The following CUX1 variants were observed in gnomAD, a reference collection of about 807,000 sequenced individuals.
The protein encoded by CUX1 is cut like homeobox 1.
In CUX1, 31 loss-of-function variants were observed where a neutral mutation model predicts 158.8. The observed-to-expected ratio is 0.20, with a 90% CI of 0.15 to 0.26. The LOEUF (loss-of-function observed/expected upper bound fraction) is 0.26, where lower values mean the gene tolerates loss of function less well. Among genes scored for constraint, CUX1 ranks in the 10% least tolerant of loss-of-function variants. The pLI, the probability that CUX1 is intolerant of heterozygous loss-of-function variation, is 1.00. For synonymous variants in CUX1, 879 were observed against 862.1 expected (o/e 1.02, Z -0.34); for missense variants, 1,589 against 2,014.6 (o/e 0.79, Z 4.04).
chr7:102,213,287 C>G (rs1296674791), intron 20 of CUX1, among the ~76,000 whole-genome samples: 1 of 152,258 alleles, frequency 6.6e-6, no homozygotes, highest in Non-Finnish European at 1.5e-5. Context: ...GTCTCGACTT[C>G]TACAAAATGC....
At chr7:101,848,978 G>A (rs1026176746) in intron 1 of CUX1, among the ~76,000 whole-genome samples, 3 of 150,606 alleles carry the variant, frequency 2.0e-5, no homozygotes, top group South Asian at 2.1e-4. Flanking sequence ...CTTGTTCCAC[G>A]TGACTTACAA....
chr7:101,918,770 T>A (rs899189168), intron 2 of CUX1, among the ~76,000 whole-genome samples: 2 of 152,204 alleles, frequency 1.3e-5, no homozygotes, highest in Non-Finnish European at 2.9e-5. Context: ...GGTAACTTTT[T>A]TTTTATTTTT....
intron 2 of CUX1, among the ~76,000 whole-genome samples, chr7:101,997,833 T>C (rs766679853): frequency 4.6e-5 from 7 of 151,762 alleles, no homozygotes; most frequent in Non-Finnish European, 5.9e-5. Flanking sequence ...TTCTCATCAA[T>C]GTTATCTCAG....
chr7:102,239,686 T>G (rs1196138503), intron 23 of CUX1, 102 bp downstream of exon 23: 1 of 1,374,742 alleles, frequency 7.3e-7, no homozygotes, highest in Non-Finnish European at 9.8e-7. Flanking sequence ...GGGCCGGAGG[T>G]GGGGCGCTGG....
chr7:101,873,613 GTTC>G (rs1276528422), intron 1 of CUX1, among the ~76,000 whole-genome samples: 2 of 152,004 alleles, frequency 1.3e-5, no homozygotes, highest in Non-Finnish European at 2.9e-5. Context: ...ATTTTCTTAG[GTTC>G]TTCTTTTTGT....
At position 102,201,362 on chromosome 7, in the gene CUX1, G is replaced by C. The variant is rs782218484; in HGVS notation, c.2065G>C (p.Glu689Gln). The change falls in exon 18 of 24, where the codon GAG (glutamate) becomes CAG (glutamine). Residue 689 changes from glutamate (E) to glutamine (Q), a missense_variant and splice_region_variant. Around this residue, in one of 8 missense-constraint regions of CUX1, gnomAD observed 337 missense variants for 409.3 expected, o/e 0.82. Coordinates refer to ENST00000292535, the MANE Select transcript of CUX1 (RefSeq NM_181552.4). This position sits in a 1 kb window ranked among gnomAD's most constrained non-coding sequence, Gnocchi z 5.0. ...KRELQVQKTA[E>Q]PAQPSSASGS... is the part of the protein sequence containing the mutation. Reference sequence around the variant, plus strand: ...CTCACCCCTGTTTCTCCATGCAGCAGAGCCGGCCCAGCCTTCCTCCGCATC... The same window carrying C: ...CTCACCCCTGTTTCTCCATGCAGCACAGCCGGCCCAGCCTTCCTCCGCATC... The C allele has an allele frequency of 6.2e-7, 1 of 1,612,734 alleles. No individual in the cohort carries two copies. The highest frequency in any genetic ancestry group is 8.5e-7 in the Non-Finnish European group (1 of 1,179,346).
At chr7:102,096,551 C>T (rs1361503005) in intron 4 of CUX1, among the ~76,000 whole-genome samples, 1 of 152,064 alleles carries the variant, frequency 6.6e-6, no homozygotes, top group Non-Finnish European at 1.5e-5. Flanking sequence ...CCAAAAAATA[C>T]AAAAATTAGC....
chr7:102,276,613 T>G (rs1250143094), intron 17 of CUX1, among the ~76,000 whole-genome samples: 2 of 152,228 alleles, frequency 1.3e-5, no homozygotes, highest in African/African-American at 2.4e-5. Context: ...TGCTTGAATT[T>G]TGAATAGTGT....
rs782403283 is a variant in CUX1, at chr7:102,202,141, C to T, written c.2844C>T (p.Leu948=). 2 of 1,613,770 alleles carry T rather than the reference C, an allele frequency of 1.2e-6. No individual in the cohort carries two copies. Among genetic ancestry groups the T allele is most frequent in the Non-Finnish European group, 1.7e-6 (2 of 1,179,758 alleles). The change falls in exon 18 of 24, where the codon CTC becomes CTT. Residue 948 remains leucine, a synonymous_variant. Transcript: ENST00000292535. ...ACCAGGAGGTGGACACCATCGAGCT[C>T]ACCCGGCAGGTTAAGGAAAAGCTGG... The part of the protein sequence containing the change: ...YMYQEVDTIE[L]TRQVKEKLAK...
intron 3 of CUX1, among the ~76,000 whole-genome samples, chr7:102,047,272 G>A (rs1822924266): frequency 6.6e-6 from 1 of 152,080 alleles, no homozygotes; most frequent in Non-Finnish European, 1.5e-5. Flanking sequence ...ATGAATGGGT[G>A]GATGGTGGGT....
At chr7:102,160,401 G>C (rs1045988743) in intron 9 of CUX1, among the ~76,000 whole-genome samples, 1 of 152,056 alleles carries the variant, frequency 6.6e-6, no homozygotes, top group Non-Finnish European at 1.5e-5. Context: ...TCCAGAACAG[G>C]TTCTCTGTGG....
At chr7:102,227,324 A>C in intron 20 of CUX1, 43 bp from the exon 21 acceptor site, 1 of 1,544,352 alleles carries the variant, frequency 6.5e-7, no homozygotes, top group Middle Eastern at 1.7e-4. Context: ...GTGGTAAAAG[A>C]CAGCTATTTT....
At chr7:101,984,498 A>C (rs1352594766) in intron 2 of CUX1, among the ~76,000 whole-genome samples, 1 of 107,066 alleles carries the variant, frequency 9.3e-6, no homozygotes, top group East Asian at 2.1e-4. Context: ...TTCTCCGGCA[A>C]AAAAAAAAAA....
At chr7:102,152,741 TTCCTCCCATTGTC>T (rs1341430923) in intron 8 of CUX1, among the ~76,000 whole-genome samples, 2 of 152,162 alleles carry the variant, frequency 1.3e-5, no homozygotes, top group African/African-American at 4.8e-5. Context: ...GCATCCCTGG[TTCCTCCCATTGTC>T]TCCTCCTGTG....
intron 1 of CUX1, among the ~76,000 whole-genome samples, chr7:101,885,926 C>T (rs761480579): frequency 2.0e-5 from 3 of 152,196 alleles, no homozygotes; most frequent in African/African-American, 4.8e-5. Flanking sequence ...ATTTTCACCG[C>T]CGTTTATAGG....
intron 23 of CUX1, among the ~76,000 whole-genome samples, chr7:102,243,647 T>TAATAATA (rs782461051): frequency 0.02 from 2,904 of 143,932 alleles, 48 homozygotes; most frequent in Middle Eastern, 0.036. Context: ...ATAATAATAA[T>TAATAATA]AATAATAATA....
At chr7:102,187,660 G>T (rs868938835) in intron 11 of CUX1, among the ~76,000 whole-genome samples, 42 of 143,870 alleles carry the variant, frequency 2.9e-4, no homozygotes, top group African/African-American at 9.6e-4. Context: ...GACCACACCT[G>T]GCTAATTTTT....
chr7:102,104,065 CT>C (rs1190960480), intron 5 of CUX1, among the ~76,000 whole-genome samples: 3 of 151,996 alleles, frequency 2.0e-5, no homozygotes, highest in African/African-American at 4.8e-5. Flanking sequence ...TCCCCCCACC[CT>C]TTTTTTTCTT....
In CUX1 at chr7:102,101,729, G is replaced by C. The variant is rs149312519; in HGVS notation, c.407-2607G>C. Among the ~76,000 whole-genome samples the C allele has an allele frequency of 5.7e-3, 864 of 152,138 alleles. 7 individuals are homozygous for C. The highest frequency in any genetic ancestry group is 0.02 in the African/African-American group (826 of 41,516). ...GTTCGAGACCAGCCTCGCCAACATG[G>C]TGAAACCCCGTCTCTACTTAAAAAA... is the stretch of plus-strand genomic sequence containing the variant. On this transcript the variant is annotated intron_variant, in intron 5 of 23. Transcript: ENST00000292535.
Sources: gnomAD v4.1 joint callset for allele counts (sites outside exome capture counted in the v4.1 genomes callset) on GRCh38, gnomAD v4.1.1 for gene constraint, gnomAD v4.1.1 regional missense constraint, Gnocchi (gnomAD v3.1) non-coding constraint, MANE v1.5 for transcripts, NCBI Gene and HGNC (gene_info 2026-07-23, HGNC 2026-07-21) for gene names.